Variants in SGK1 observed in about 807,000 individuals in gnomAD.
The protein encoded by SGK1 is serum/glucocorticoid regulated kinase 1, also known as serine/threonine-protein kinase Sgk1.
A neutral mutation model predicts 64.2 loss-of-function variants in SGK1; 26 were observed. The ratio of observed to expected loss-of-function variants is 0.40; its 90% CI spans 0.30 to 0.56. SGK1 has a LOEUF of 0.56. Ranked by LOEUF, SGK1 falls within the 20% of genes least tolerant of loss-of-function variation. The pLI is 0.38. For missense variants in SGK1, 519 were observed against 645.6 expected (o/e 0.80, Z 2.12); for synonymous variants, 265 against 239.7 (o/e 1.11, Z -0.98).
intron 3 of SGK1, among the ~76,000 whole-genome samples, chr6:134,177,145 C>T (rs1775254366): frequency 6.6e-6 from 1 of 152,042 alleles, no homozygotes. Context: ...ACCCGGGAGG[C>T]GGAGGTTGCA....
At chr6:134,222,546 G>A (rs1265024034) in intron 2 of SGK1, among the ~76,000 whole-genome samples, 2 of 151,922 alleles carry the variant, frequency 1.3e-5, no homozygotes, top group Admixed American at 6.6e-5. Context: ...ATGTTGGCCA[G>A]GTTAGTCTCA....
intron 1 of SGK1, among the ~76,000 whole-genome samples, chr6:134,284,086 T>C (rs1277220818): frequency 6.6e-6 from 1 of 151,990 alleles, no homozygotes; most frequent in East Asian, 1.9e-4. Flanking sequence ...GTTCAAATAT[T>C]CTTTTTGTTT....
intron 1 of SGK1, among the ~76,000 whole-genome samples, chr6:134,278,063 A>G (rs1027268241): frequency 6.6e-6 from 1 of 152,242 alleles, no homozygotes; most frequent in East Asian, 1.9e-4. Context: ...GGAGCATCCA[A>G]GAAGTCCTTT....
chr6:134,234,213 C>G (rs1302350398), intron 2 of SGK1, among the ~76,000 whole-genome samples: 1 of 152,132 alleles, frequency 6.6e-6, no homozygotes, highest in Non-Finnish European at 1.5e-5. Flanking sequence ...ATTAGCCTGG[C>G]CAACATGGTG....
chr6:134,174,228 A>G (rs1232500129), intron 4 of SGK1, 148 bp from the exon 5 acceptor site: 8 of 625,604 alleles, frequency 1.3e-5, no homozygotes. Flanking sequence ...TCAGTTAAAG[A>G]AAATAATAAA....
At chr6:134,174,851 G>A (rs773238798) in intron 3 of SGK1, 3 of 1,612,730 alleles carry the variant, frequency 1.9e-6, no homozygotes, top group African/African-American at 1.3e-5. Flanking sequence ...TCAAAGACCG[G>A]CTCGGCGTAT....
chr6:134,200,119 A>G (rs1775658265), intron 3 of SGK1, among the ~76,000 whole-genome samples: 1 of 152,228 alleles, frequency 6.6e-6, no homozygotes, highest in Non-Finnish European at 1.5e-5. Context: ...GGTGTACAAA[A>G]ACAAACAACT....
chr6:134,284,068 C>T (rs1232486713), intron 1 of SGK1, among the ~76,000 whole-genome samples: 1 of 151,622 alleles, frequency 6.6e-6, no homozygotes, highest in Non-Finnish European at 1.5e-5. Flanking sequence ...CAATCCATTC[C>T]TTTATATGTT....
At chr6:134,213,635 TAAATAAATAATA>T (rs1775929005) in intron 2 of SGK1, among the ~76,000 whole-genome samples, 1 of 118,802 alleles carries the variant, frequency 8.4e-6, no homozygotes, top group Admixed American at 7.9e-5. Flanking sequence ...AATAAATAAA[TAAATAAATAATA>T]AATAAATAAA....
chr6:134,302,494 T>A (rs1777473193), intron 1 of SGK1, among the ~76,000 whole-genome samples: 1 of 152,212 alleles, frequency 6.6e-6, no homozygotes, highest in Non-Finnish European at 1.5e-5. Context: ...AAATGACCTT[T>A]AATCAATAAA....
chr6:134,188,636 A>G (rs1324622699), intron 3 of SGK1, among the ~76,000 whole-genome samples: 1 of 152,194 alleles, frequency 6.6e-6, no homozygotes, highest in Non-Finnish European at 1.5e-5. Flanking sequence ...ATAATCCACC[A>G]ACTTCATACT....
chr6:134,174,179 T>C, intron 4 of SGK1, 99 bp from the exon 5 acceptor site: 1 of 819,506 alleles, frequency 1.2e-6, no homozygotes. Flanking sequence ...TCTACCCGGA[T>C]AATTCACTGT....
At chr6:134,262,458 TA>T (rs1455335496) in intron 1 of SGK1, among the ~76,000 whole-genome samples, 4 of 151,858 alleles carry the variant, frequency 2.6e-5, no homozygotes, top group African/African-American at 4.8e-5. Context: ...TTTTTAGAGA[TA>T]GGGGGGTTTC....
At chr6:134,286,512 C>T (rs1290614752) in intron 1 of SGK1, among the ~76,000 whole-genome samples, 2 of 146,840 alleles carry the variant, frequency 1.4e-5, no homozygotes, top group Non-Finnish European at 3.0e-5. Flanking sequence ...GACGGAGTCT[C>T]GCTGAGTGCA....
rs1390410209 is a variant in SGK1, at chr6:134,207,367, T to C, written c.350A>G (p.Asn117Ser). The C allele has an allele frequency of 6.2e-7, 1 of 1,605,100 alleles. No individual in the cohort carries two copies. Among genetic ancestry groups the C allele is most frequent in the Admixed American group, 1.7e-5 (1 of 59,942 alleles). The change falls in exon 3 of 14, where the codon AAT (asparagine) becomes AGT (serine). Residue 117 changes from asparagine to serine, a missense_variant. Asn to Ser is a conservative substitution (Grantham distance 46). This residue lies in a region of SGK1 where 241 missense variants were observed against 236.9 expected (regional missense o/e 1.02). Transcript: ENST00000367858. ...TTTTCCAATAATACCTGGATCATCA[T>C]TAGTCCAGAAGGTTCTTGGATCGGG... Reference protein sequence around the residue: ...TKPDPRTFWTNDDPAFMKQRR... With the variant: ...TKPDPRTFWTSDDPAFMKQRR...
chr6:134,241,533 G>C (rs1256951794), intron 2 of SGK1, among the ~76,000 whole-genome samples: 1 of 151,912 alleles, frequency 6.6e-6, no homozygotes, highest in Non-Finnish European at 1.5e-5. Flanking sequence ...CTCCCTCCTC[G>C]GAATTTGTAA....
chr6:134,274,681 A>G (rs923174010), intron 1 of SGK1, among the ~76,000 whole-genome samples: 3 of 152,094 alleles, frequency 2.0e-5, no homozygotes, highest in Non-Finnish European at 4.4e-5. Context: ...AAAAAAAAAA[A>G]ACCCAAATCT....
intron 3 of SGK1, among the ~76,000 whole-genome samples, chr6:134,180,034 G>A (rs1395523061): frequency 6.6e-6 from 1 of 152,090 alleles, no homozygotes; most frequent in Non-Finnish European, 1.5e-5. Context: ...GCTCACTGCA[G>A]CCTCAACCTC....
chr6:134,219,412 C>G (rs1011985376), intron 2 of SGK1, among the ~76,000 whole-genome samples: 1 of 152,096 alleles, frequency 6.6e-6, no homozygotes, highest in Non-Finnish European at 1.5e-5. Flanking sequence ...ATTGGAGTTT[C>G]GACCTGAGAT....
Sources: gnomAD v4.1 joint callset for allele counts (sites outside exome capture counted in the v4.1 genomes callset) on GRCh38, gnomAD v4.1.1 for gene constraint, gnomAD v4.1.1 regional missense constraint, MANE v1.5 for transcripts, NCBI Gene and HGNC (gene_info 2026-07-23, HGNC 2026-07-21) for gene names.